KDM2A: variants seen among roughly 807,000 people sequenced by gnomAD.
The protein encoded by KDM2A is lysine-specific demethylase 2A.
A neutral mutation model predicts 137.3 loss-of-function variants in KDM2A; 3 were observed. That is an observed-to-expected ratio of 0.02 (90% CI 0.01 to 0.06). The LOEUF (loss-of-function observed/expected upper bound fraction) is 0.06. Among genes scored for constraint, KDM2A ranks in the 10% least tolerant of loss-of-function variants. The probability of loss-of-function intolerance (pLI) is 1.00; values close to 1 mark genes in which losing one functional copy is unlikely to be tolerated. For synonymous variants in KDM2A, 512 were observed against 541.5 expected (o/e 0.95, Z 0.76); for missense variants, 738 against 1,510.6 (o/e 0.49, Z 8.48).
intron 1 of KDM2A, among the ~76,000 whole-genome samples, chr11:67,120,923 T>C (rs1855585376): frequency 1.3e-5 from 2 of 152,182 alleles, no homozygotes; most frequent in South Asian, 4.1e-4. Context: ...CTTTTTTTTT[T>C]TCTTGCTGAT....
chr11:67,196,181 T>C (rs1485893361), intron 5 of KDM2A: 1 of 439,390 alleles, frequency 2.3e-6, no homozygotes, highest in African/African-American at 2.0e-5. Context: ...ACAGTGAAAC[T>C]TTCTTTGGCA....
intron 10 of KDM2A, among the ~76,000 whole-genome samples, chr11:67,219,882 C>T (rs1385835514): frequency 6.6e-6 from 1 of 151,862 alleles, no homozygotes; most frequent in African/African-American, 2.4e-5. Context: ...TTACATACTC[C>T]GTTTTAGGGA....
Position 67,253,574 on chromosome 11 carries a change from A to G in KDM2A, c.3054A>G (p.Gln1018=), listed in dbSNP as rs1432527283. 3 of 1,613,696 alleles carry G rather than the reference A, an allele frequency of 1.9e-6. No individual in the cohort carries two copies. The highest frequency in any genetic ancestry group is 2.5e-6 in the Non-Finnish European group (3 of 1,179,826). ...GGGCAGTAGGAATCAAGGACCCTCA[A>G]ATTCGGGACTTGCTTACTCCACCGG... ...LRWAVGIKDP[Q]IRDLLTPPAD... is the part of the protein sequence containing the mutation. Residue 1018 remains glutamine (Q), a synonymous_variant, in exon 19 of 21, where the codon CAA becomes CAG. Coordinates refer to ENST00000529006, the MANE Select transcript of KDM2A (RefSeq NM_012308.3).
intron 3 of KDM2A, among the ~76,000 whole-genome samples, chr11:67,180,739 G>A (rs982325228): frequency 2.6e-5 from 4 of 151,686 alleles, no homozygotes; most frequent in Non-Finnish European, 4.4e-5. Flanking sequence ...TGCAACCTCC[G>A]TCTCCTAGGT....
intron 2 of KDM2A, among the ~76,000 whole-genome samples, chr11:67,141,650 G>A (rs1451603191): frequency 1.9e-5 from 2 of 105,662 alleles, no homozygotes; most frequent in African/African-American, 7.6e-5. Flanking sequence ...CTGGGCGACA[G>A]AATGAGACTC....
intron 2 of KDM2A, among the ~76,000 whole-genome samples, chr11:67,140,854 G>C (rs1162850942): frequency 6.6e-6 from 1 of 152,058 alleles, no homozygotes. Flanking sequence ...TCTACTTTAT[G>C]AAGAACCTTA....
chr11:67,217,085 T>G (rs1234285931), intron 8 of KDM2A, among the ~76,000 whole-genome samples: 5 of 146,938 alleles, frequency 3.4e-5, no homozygotes, highest in Non-Finnish European at 7.5e-5. Context: ...CTACTAAAAA[T>G]ACAAAAATTA....
chr11:67,163,408 A>G (rs1206399189), intron 2 of KDM2A, among the ~76,000 whole-genome samples: 1 of 152,220 alleles, frequency 6.6e-6, no homozygotes, highest in East Asian at 1.9e-4. Context: ...TCCAAAAGGT[A>G]TGGACTTGGA....
At chr11:67,214,552 T>A (rs926691083) in intron 6 of KDM2A, among the ~76,000 whole-genome samples, 1 of 152,178 alleles carries the variant, frequency 6.6e-6, no homozygotes, top group African/African-American at 2.4e-5. Flanking sequence ...TTGGTCAGGC[T>A]GGTCTTGAAC....
intron 13 of KDM2A, among the ~76,000 whole-genome samples, chr11:67,244,274 G>A (rs578007460): frequency 6.6e-5 from 10 of 152,316 alleles, no homozygotes; most frequent in African/African-American, 2.4e-4. Flanking sequence ...CCTTGAAAAG[G>A]TCACCAGCAG....
intron 15 of KDM2A, among the ~76,000 whole-genome samples, chr11:67,247,612 T>G (rs1859289852): frequency 6.7e-6 from 1 of 150,212 alleles, no homozygotes; most frequent in Admixed American, 6.6e-5. Context: ...TTAAGTAGAG[T>G]TGGGGTTTCA....
chr11:67,247,071 ATTTT>A (rs1156333048), intron 15 of KDM2A, among the ~76,000 whole-genome samples: 38 of 16,724 alleles, frequency 2.3e-3, no homozygotes, highest in South Asian at 4.8e-3. Flanking sequence ...ATATATATAT[ATTTT>A]TTTTTTTTTT....
chr11:67,222,901 A>G (rs12294777), intron 10 of KDM2A, among the ~76,000 whole-genome samples: 12,090 of 135,386 alleles, frequency 0.089, 1,632 homozygotes, highest in African/African-American at 0.3. Context: ...ATAAGGGGGA[A>G]AAAAAAAAAA....
intron 12 of KDM2A, among the ~76,000 whole-genome samples, chr11:67,235,994 A>T (rs1858861550): frequency 1.3e-5 from 2 of 152,240 alleles, no homozygotes; most frequent in Non-Finnish European, 2.9e-5. Context: ...GACATGTAAC[A>T]GTATGTATAG....
intron 2 of KDM2A, among the ~76,000 whole-genome samples, chr11:67,162,559 C>T (rs977036453): frequency 6.6e-6 from 1 of 152,102 alleles, no homozygotes; most frequent in Non-Finnish European, 1.5e-5. Flanking sequence ...GCATGCGCCA[C>T]CACACCCAGC....
intron 2 of KDM2A, among the ~76,000 whole-genome samples, chr11:67,168,325 C>A (rs1856792726): frequency 6.6e-6 from 1 of 152,008 alleles, no homozygotes; most frequent in Non-Finnish European, 1.5e-5. Context: ...TTCCCCCAAA[C>A]CCTCTGTGTT....
intron 1 of KDM2A, among the ~76,000 whole-genome samples, 198 bp downstream of exon 1, chr11:67,120,247 C>A (rs1002912808): frequency 6.6e-6 from 1 of 152,206 alleles, no homozygotes; most frequent in African/African-American, 2.4e-5. Flanking sequence ...CCAGGGGGTG[C>A]AAGCACGGTT....
At chr11:67,206,318 C>G (rs1857804217) in intron 5 of KDM2A, among the ~76,000 whole-genome samples, 2 of 152,170 alleles carry the variant, frequency 1.3e-5, no homozygotes, top group Admixed American at 1.3e-4. Flanking sequence ...ATATTCCCAG[C>G]TACTTGGGAG....
intron 2 of KDM2A, among the ~76,000 whole-genome samples, chr11:67,155,019 G>GT (rs943963434): frequency 6.6e-6 from 1 of 151,992 alleles, no homozygotes; most frequent in Admixed American, 6.6e-5. Flanking sequence ...TAGTTCTTTT[G>GT]TTTTTTGTTT....
Sources: allele counts gnomAD v4.1 joint callset (sites outside exome capture counted in the v4.1 genomes callset), GRCh38; gene constraint gnomAD v4.1.1; transcripts MANE v1.5; gene names NCBI Gene and HGNC (gene_info 2026-07-23, HGNC 2026-07-21).